The following RAB3GAP1 variants were observed in gnomAD, a reference collection of about 807,000 sequenced individuals.
RAB3GAP1 encodes RAB3 GTPase activating protein catalytic subunit 1.
Under a neutral mutation model 130.7 loss-of-function variants are expected in RAB3GAP1, and 86 were observed. That is an observed-to-expected ratio of 0.66 (90% CI 0.55 to 0.79). The LOEUF (loss-of-function observed/expected upper bound fraction) is 0.79. Among genes scored for constraint, RAB3GAP1 ranks in the 30% least tolerant of loss-of-function variants. RAB3GAP1 has a pLI of 0.00. For synonymous variants in RAB3GAP1, 367 were observed against 401.7 expected (o/e 0.91, Z 1.03); for missense variants, 1,029 against 1,169.4 (o/e 0.88, Z 1.75).
intron 23 of RAB3GAP1, among the ~76,000 whole-genome samples, chr2:135,167,994 G>A (rs1193637672): frequency 1.3e-5 from 2 of 152,028 alleles, no homozygotes; most frequent in Admixed American, 1.3e-4. Flanking sequence ...CTTTAATATT[G>A]CGAACTTCTC....
chr2:135,115,532 G>T, intron 7 of RAB3GAP1, 151 bp downstream of exon 7: 1 of 787,264 alleles, frequency 1.3e-6, no homozygotes, highest in Non-Finnish European at 1.9e-6. Context: ...AAATTACTTT[G>T]TAATTTCTAA....
At chr2:135,111,979 A>G (rs574086048) in intron 5 of RAB3GAP1, among the ~76,000 whole-genome samples, 1 of 152,322 alleles carries the variant, frequency 6.6e-6, no homozygotes, top group East Asian at 1.9e-4. Context: ...TCTTAAAAAT[A>G]CTTAAAACTT....
chr2:135,056,657 G>A (rs1262183383), intron 2 of RAB3GAP1, among the ~76,000 whole-genome samples: 2 of 151,930 alleles, frequency 1.3e-5, no homozygotes, highest in Admixed American at 1.3e-4. Context: ...GCAAATTTTT[G>A]CTTGCCTGTG....
At chr2:135,155,910 A>G (rs1394465729) in intron 19 of RAB3GAP1, among the ~76,000 whole-genome samples, 1 of 152,096 alleles carries the variant, frequency 6.6e-6, no homozygotes, top group Non-Finnish European at 1.5e-5. Context: ...TTCTTTTAAA[A>G]TCAACAAAAT....
chr2:135,080,116 CAAAAAAAAA>C (rs764426198), intron 3 of RAB3GAP1, among the ~76,000 whole-genome samples: 1 of 73,310 alleles, frequency 1.4e-5, no homozygotes, highest in African/African-American at 4.1e-5. Flanking sequence ...GACTCCGTCT[CAAAAAAAAA>C]AAAAAAAAAA....
Position 135,113,200 on chromosome 2 carries a change from G to A in RAB3GAP1, c.412G>A (p.Ala138Thr), listed in dbSNP as rs1690868164. Residue 138 changes from alanine (A) to threonine (T), a missense_variant, in exon 6 of 24, where the codon GCT becomes ACT. Physicochemically the swap from Ala to Thr is moderately conservative, Grantham distance 58. Coordinates refer to ENST00000264158, the MANE Select transcript of RAB3GAP1 (RefSeq NM_012233.3). ...VVIAPAAHSD[A>T]VLSESKCNLL... is the part of the protein sequence containing the mutation. ...GATTGCCCCTGCTGCACACAGTGAC[G>A]CTGTTCTCAGCGAATCTAAGTGCAA... 1 of 1,614,038 alleles carries A rather than the reference G, an allele frequency of 6.2e-7. No homozygotes were observed. Among genetic ancestry groups the A allele is most frequent in the Non-Finnish European group, 8.5e-7 (1 of 1,179,950 alleles).
intron 3 of RAB3GAP1, among the ~76,000 whole-genome samples, chr2:135,068,488 C>T (rs1179686647): frequency 2.0e-5 from 3 of 149,692 alleles, no homozygotes; most frequent in Non-Finnish European, 3.0e-5. Flanking sequence ...CGCCGTGGCT[C>T]ACGCCTGTAA....
intron 22 of RAB3GAP1, among the ~76,000 whole-genome samples, chr2:135,164,097 GT>G (rs1692552671): frequency 1.3e-5 from 2 of 152,154 alleles, no homozygotes; most frequent in South Asian, 4.1e-4. Flanking sequence ...GAAGTTCAGT[GT>G]TTCCAGCATC....
At position 135,162,555 on chromosome 2, in the gene RAB3GAP1, G is replaced by C. The variant is rs767683459; in HGVS notation, c.2290G>C (p.Val764Leu). ...LFDDTREAEK[V>L]LHYLAIQKPA... ...TTTGTGTGCGCTGCACCTCCTTCAG[G>C]TGCTGCACTATCTGGCAATCCAGAA... Residue 764 changes from valine to leucine, a missense_variant and splice_region_variant, in exon 20 of 24, where the codon GTG (valine) becomes CTG (leucine). By Grantham distance (32) the Val-to-Leu change is conservative (BLOSUM62 1). Around this residue, in one of 3 missense-constraint regions of RAB3GAP1, gnomAD observed 373 missense variants for 493.6 expected, o/e 0.76. Transcript: ENST00000264158. The C allele has an allele frequency of 1.6e-5, 26 of 1,612,864 alleles. No individual in the cohort carries two copies. In the East Asian group the frequency reaches 5.6e-4, roughly 35 times the overall value.
At chr2:135,071,930 T>C (rs543719202) in intron 3 of RAB3GAP1, among the ~76,000 whole-genome samples, 163 of 152,262 alleles carry the variant, frequency 1.1e-3, no homozygotes, top group Non-Finnish European at 1.7e-3. Flanking sequence ...TTCTTTCTTT[T>C]TGAAATGAGT....
intron 13 of RAB3GAP1, among the ~76,000 whole-genome samples, chr2:135,131,063 T>A (rs1413748152): frequency 6.6e-6 from 1 of 152,160 alleles, no homozygotes; most frequent in Non-Finnish European, 1.5e-5. Context: ...TAGCAGAGGT[T>A]CGAGAGCATG....
intron 19 of RAB3GAP1, 134 bp from the exon 20 acceptor site, chr2:135,162,421 G>T: frequency 1.4e-6 from 1 of 717,724 alleles, no homozygotes; most frequent in Non-Finnish European, 2.5e-6. Flanking sequence ...TCACCTTTGG[G>T]GTCGTGGCTG....
At chr2:135,085,796 T>C (rs1689956788) in intron 3 of RAB3GAP1, among the ~76,000 whole-genome samples, 1 of 152,212 alleles carries the variant, frequency 6.6e-6, no homozygotes, top group Non-Finnish European at 1.5e-5. Context: ...TGTTGGGTTA[T>C]GATTTATACA....
downstream of RAB3GAP1, among the ~76,000 whole-genome samples, chr2:135,170,867 C>G (rs1692830604): frequency 6.6e-6 from 1 of 152,030 alleles, no homozygotes; most frequent in Non-Finnish European, 1.5e-5. Flanking sequence ...TCCTCCAGCC[C>G]TGTGTGCAAT....
chr2:135,139,756 A>C (rs1368865514), intron 17 of RAB3GAP1, among the ~76,000 whole-genome samples: 1 of 152,144 alleles, frequency 6.6e-6, no homozygotes, highest in Non-Finnish European at 1.5e-5. Context: ...CCATTATCCA[A>C]ATGTAACTAC....
chr2:135,160,749 G>T (rs1692445625), intron 19 of RAB3GAP1, among the ~76,000 whole-genome samples: 1 of 147,990 alleles, frequency 6.8e-6, no homozygotes, highest in South Asian at 2.2e-4. Context: ...TAGTAGGTTA[G>T]ATTACAATTA....
chr2:135,123,126 C>T (rs1165795670), intron 8 of RAB3GAP1, among the ~76,000 whole-genome samples: 1 of 152,198 alleles, frequency 6.6e-6, no homozygotes, highest in Non-Finnish European at 1.5e-5. Context: ...TGCATACAAA[C>T]ACTAGTCAAA....
chr2:135,113,298 CAAAA>C, intron 6 of RAB3GAP1, 28 bp downstream of exon 6: 1 of 1,612,176 alleles, frequency 6.2e-7, no homozygotes, highest in Non-Finnish European at 8.5e-7. Flanking sequence ...AAAACCTAGA[CAAAA>C]AAACTGTTTT....
chr2:135,070,921 A>G (rs1307580004), intron 3 of RAB3GAP1, among the ~76,000 whole-genome samples: 2 of 152,238 alleles, frequency 1.3e-5, no homozygotes, highest in African/African-American at 2.4e-5. Context: ...AAAGGAGCCC[A>G]TGACCCCAAA....
Sources: allele counts gnomAD v4.1 joint callset (sites outside exome capture counted in the v4.1 genomes callset), GRCh38; gene constraint gnomAD v4.1.1; regional missense constraint gnomAD v4.1.1; transcripts MANE v1.5; gene names NCBI Gene and HGNC (gene_info 2026-07-23, HGNC 2026-07-21).